The following ERBB4 variants were observed in gnomAD, a reference collection of about 807,000 sequenced individuals.
The protein encoded by ERBB4 is erb-b2 receptor tyrosine kinase 4.
In ERBB4, 42 loss-of-function variants were observed where a neutral mutation model predicts 158.0. That is an observed-to-expected ratio of 0.27 (90% CI 0.21 to 0.34). The LOEUF (loss-of-function observed/expected upper bound fraction) is 0.34, where lower values mean the gene tolerates loss of function less well. Ranked by LOEUF, ERBB4 falls within the 10% of genes least tolerant of loss-of-function variation. The pLI is 1.00. For synonymous variants in ERBB4, 583 were observed against 558.7 expected, an observed-to-expected ratio of 1.04 and a Z score of -0.61; for missense variants, 1,333 against 1,624.1, an observed-to-expected ratio of 0.82 and a Z score of 3.08.
intron 3 of ERBB4, among the ~76,000 whole-genome samples, chr2:211,883,668 C>T (rs1320129476): frequency 1.3e-5 from 2 of 151,978 alleles, no homozygotes; most frequent in African/African-American, 2.4e-5. Context: ...CACCTATAAT[C>T]CCAGGTACTT....
intron 1 of ERBB4, among the ~76,000 whole-genome samples, chr2:212,240,413 G>A (rs767106266): frequency 1.3e-5 from 2 of 151,734 alleles, no homozygotes; most frequent in African/African-American, 2.4e-5. Flanking sequence ...TTGGGAAGCC[G>A]AGATGGGCGT....
intron 4 of ERBB4, among the ~76,000 whole-genome samples, chr2:211,781,930 AG>A (rs1316471332): frequency 2.0e-5 from 3 of 152,126 alleles, no homozygotes; most frequent in African/African-American, 7.2e-5. Context: ...GCAGTCTCTA[AG>A]GGGGTTGCAG....
intron 1 of ERBB4, among the ~76,000 whole-genome samples, chr2:212,310,059 A>T (rs1258036581): frequency 6.6e-6 from 1 of 150,614 alleles, no homozygotes; most frequent in Admixed American, 6.6e-5. Context: ...TTTTCTAAGT[A>T]AGTAAACAGG....
At chr2:212,502,357 T>A (rs1338248250) in intron 1 of ERBB4, among the ~76,000 whole-genome samples, 1 of 152,210 alleles carries the variant, frequency 6.6e-6, no homozygotes, top group East Asian at 1.9e-4. Flanking sequence ...TGTATTGTGC[T>A]GGGCAATTTA....
intron 2 of ERBB4, among the ~76,000 whole-genome samples, chr2:212,081,620 A>C (rs942024621): frequency 6.6e-6 from 1 of 152,144 alleles, no homozygotes; most frequent in African/African-American, 2.4e-5. Context: ...AGTGCTTATG[A>C]ATAGGTTCTT....
intron 1 of ERBB4, among the ~76,000 whole-genome samples, chr2:212,465,603 C>T (rs149444289): frequency 1.3e-5 from 2 of 152,102 alleles, no homozygotes; most frequent in African/African-American, 2.4e-5. Context: ...CAAAGCAAAG[C>T]GTTTATAGTC....
intron 19 of ERBB4, among the ~76,000 whole-genome samples, chr2:211,615,758 T>TA (rs1435108392): frequency 1.3e-5 from 2 of 152,254 alleles, no homozygotes; most frequent in African/African-American, 4.8e-5. Context: ...TTTTGAGTAT[T>TA]AAGTTGCCAC....
intron 7 of ERBB4, among the ~76,000 whole-genome samples, chr2:211,721,276 G>A (rs997753562): frequency 1.3e-5 from 2 of 151,988 alleles, no homozygotes; most frequent in Admixed American, 6.6e-5. Flanking sequence ...TTTTTGGATT[G>A]TGGATGCTCA....
chr2:211,977,590 C>A (rs1032357252), intron 2 of ERBB4, among the ~76,000 whole-genome samples: 1 of 145,106 alleles, frequency 6.9e-6, no homozygotes, highest in Non-Finnish European at 1.5e-5. Context: ...GTAATCCTAG[C>A]GCTTTGGGAG....
At chr2:211,626,667 G>A (rs951428268) in intron 17 of ERBB4, among the ~76,000 whole-genome samples, 7 of 152,154 alleles carry the variant, frequency 4.6e-5, no homozygotes, top group Non-Finnish European at 7.3e-5. Context: ...ACTCACGCCT[G>A]TAATTCCAGC....
At chr2:211,831,727 C>T (rs545443577) in intron 3 of ERBB4, among the ~76,000 whole-genome samples, 10 of 151,990 alleles carry the variant, frequency 6.6e-5, no homozygotes, top group Admixed American at 5.9e-4. Flanking sequence ...CATGGTGAAA[C>T]CCCATATCTA....
chr2:212,260,630 T>C (rs780771187), intron 1 of ERBB4, among the ~76,000 whole-genome samples: 13 of 151,994 alleles, frequency 8.6e-5, no homozygotes, highest in Middle Eastern at 3.2e-3. Flanking sequence ...CTGGCAAACA[T>C]GGTGAAACCC....
Position 212,370,973 on chromosome 2 carries a change from C to T in ERBB4, c.82+167476G>A, listed in dbSNP as rs568369671. ...ACATAACCATTATTTTCCCTTAACT[C>T]ACTGTTGATGTAAAAAGCTATTATT... On this transcript the variant is annotated intron_variant, in intron 1 of 27. Coordinates refer to ENST00000342788, the MANE Select transcript of ERBB4 (RefSeq NM_005235.3). Among the ~76,000 whole-genome samples the T allele has an allele frequency of 2.7e-4, 41 of 152,214 alleles. 1 individual carries two copies. Among genetic ancestry groups the T allele is most frequent in the African/African-American group, 9.9e-4 (41 of 41,544 alleles).
intron 1 of ERBB4, among the ~76,000 whole-genome samples, chr2:212,205,547 T>C (rs2082721644): frequency 6.6e-6 from 1 of 152,156 alleles, no homozygotes; most frequent in African/African-American, 2.4e-5. Flanking sequence ...TTTACTCCAT[T>C]AGTGAAAATC....
chr2:211,854,408 C>T (rs1054683062), intron 3 of ERBB4, among the ~76,000 whole-genome samples: 8 of 152,024 alleles, frequency 5.3e-5, no homozygotes, highest in Non-Finnish European at 1.2e-4. Flanking sequence ...AAGGGCAAAA[C>T]ACTCGTGTAG....
intron 1 of ERBB4, among the ~76,000 whole-genome samples, chr2:212,466,527 T>C (rs562773199): frequency 1.3e-5 from 2 of 152,298 alleles, no homozygotes; most frequent in East Asian, 3.9e-4. Context: ...AAATGAGAGT[T>C]TCTCTGCACT....
intron 2 of ERBB4, among the ~76,000 whole-genome samples, chr2:212,065,133 A>G (rs2077904626): frequency 6.6e-6 from 1 of 151,928 alleles, no homozygotes; most frequent in South Asian, 2.1e-4. Context: ...AAAGCACAAG[A>G]AAGTAGTTTC....
At chr2:211,634,484 T>C (rs2070280240) in intron 16 of ERBB4, among the ~76,000 whole-genome samples, 1 of 152,180 alleles carries the variant, frequency 6.6e-6, no homozygotes, top group Non-Finnish European at 1.5e-5. Flanking sequence ...TGTTTGTAAG[T>C]ATAGGATAGA....
At chr2:212,165,789 C>T (rs1370303500) in intron 1 of ERBB4, among the ~76,000 whole-genome samples, 1 of 152,016 alleles carries the variant, frequency 6.6e-6, no homozygotes, top group Non-Finnish European at 1.5e-5. Context: ...AAAACATAAA[C>T]AATTTTTGGG....
Sources: gnomAD v4.1 joint callset for allele counts (sites outside exome capture counted in the v4.1 genomes callset) on GRCh38, gnomAD v4.1.1 for gene constraint, MANE v1.5 for transcripts, NCBI Gene and HGNC (gene_info 2026-07-23, HGNC 2026-07-21) for gene names.